The following ANXA4 variants were observed in gnomAD, a reference collection of about 807,000 sequenced individuals.
The protein encoded by ANXA4 is 35-beta calcimedin.
Under a neutral mutation model 49.8 loss-of-function variants are expected in ANXA4, and 39 were observed. The ratio of observed to expected loss-of-function variants is 0.78; its 90% CI spans 0.61 to 1.02. The LOEUF is 1.02. ANXA4 is among the 50% of genes least tolerant of loss of function. The pLI is 0.00. For missense variants in ANXA4, 360 were observed against 410.1 expected (o/e 0.88, Z 1.05); for synonymous variants, 134 against 152.5 (o/e 0.88, Z 0.89).
At chr2:69,666,448 C>T (rs1676940002) in intron 2 of ANXA4, among the ~76,000 whole-genome samples, 1 of 152,138 alleles carries the variant, frequency 6.6e-6, no homozygotes, top group Non-Finnish European at 1.5e-5. Context: ...AAAGGTTAAA[C>T]AGTATCACCA....
chr2:69,699,476 G>A lies in ANXA4; in HGVS notation n.767-21298G>A, dbSNP rs146997056. On this transcript the variant is annotated intron_variant and non_coding_transcript_variant, in intron 2 of 3. Coordinates refer to the ANXA4 transcript ENST00000418066. ...GCTACATAGTGAGACCTCATTCTATGAGAAAATGAGAAATAAATAAGCCAG... is the reference window on the plus strand; with the variant it reads ...GCTACATAGTGAGACCTCATTCTATAAGAAAATGAGAAATAAATAAGCCAG... Among the ~76,000 whole-genome samples the A allele has an allele frequency of 2.0e-3, 309 of 151,946 alleles. 1 individual carries two copies. Among genetic ancestry groups the A allele is most frequent in the African/African-American group, 7.2e-3 (298 of 41,440 alleles).
intron 8 of ANXA4, 172 bp from the exon 9 acceptor site, chr2:69,815,929 C>G (rs1673969081): frequency 3.3e-6 from 2 of 604,162 alleles, no homozygotes; most frequent in Admixed American, 2.9e-5. Context: ...TCCCAACAGC[C>G]TTATGCCTGA....
chr2:69,775,590 A>G (rs187974310), intron 1 of ANXA4, among the ~76,000 whole-genome samples: 1 of 152,244 alleles, frequency 6.6e-6, no homozygotes, highest in Non-Finnish European at 1.5e-5. Context: ...GAAAAGAAAC[A>G]GACTGCTATC....
intron 2 of ANXA4, among the ~76,000 whole-genome samples, chr2:69,714,026 G>A (rs1405558822): frequency 6.6e-6 from 1 of 152,206 alleles, no homozygotes; most frequent in Non-Finnish European, 1.5e-5. Context: ...ACATTCTTTA[G>A]TCTACACCTC....
At chr2:69,729,434 CAT>C (rs1398329348) in intron 3 of ANXA4, among the ~76,000 whole-genome samples, 1 of 152,210 alleles carries the variant, frequency 6.6e-6, no homozygotes, top group Non-Finnish European at 1.5e-5. Context: ...AAGAGAGTAA[CAT>C]AGAGCAGTGG....
chr2:69,698,150 C>A (rs144010296), intron 2 of ANXA4, among the ~76,000 whole-genome samples: 1 of 152,188 alleles, frequency 6.6e-6, no homozygotes, highest in African/African-American at 2.4e-5. Context: ...TCTGTCCTCA[C>A]ATGACTGAAG....
At position 69,707,028 on chromosome 2, in the gene ANXA4, T is replaced by C. The variant is rs1573125978; in HGVS notation, n.767-13746T>C. Among the ~76,000 whole-genome samples the C allele has an allele frequency of 4.6e-5, 7 of 152,388 alleles. No individual in the cohort carries two copies. The South Asian group carries it at 1.4e-3, about 32-fold the overall frequency. ...TTGGTTGTGATTATTATTCATTTAA[T>C]AAATTGCTAGATTCGATTTGCTAGT... On this transcript the variant is annotated intron_variant and non_coding_transcript_variant, in intron 2 of 3. Transcript: ENST00000418066.
intron 3 of ANXA4, among the ~76,000 whole-genome samples, chr2:69,799,055 T>C (rs1260197698): frequency 6.6e-6 from 1 of 152,214 alleles, no homozygotes; most frequent in Non-Finnish European, 1.5e-5. Flanking sequence ...AGGGGCCTCA[T>C]GAGGAGGGGA....
rs569862214 is a variant in ANXA4, at chr2:69,815,915, A to C, written c.535-186A>C. On this transcript the variant is annotated intron_variant, in intron 8 of 12. Transcript: ENST00000394295. ...GCCCTGACTCCCAGGGGGGTATGACAGGGTCCCAACAGCCTTATGCCTGAG... is the reference window on the plus strand; with the variant it reads ...GCCCTGACTCCCAGGGGGGTATGACCGGGTCCCAACAGCCTTATGCCTGAG... The C allele has an allele frequency of 1.9e-4, 110 of 572,058 alleles. No homozygotes were observed. The South Asian group carries it at 2.3e-3, about 12-fold the overall frequency. The allele number at this position is 572,058 out of a possible 1,614,324, so 35.4% of individuals were successfully genotyped here. A position where few individuals can be genotyped will look rare whatever the true frequency, so the allele number is the denominator to read the frequency against.
chr2:69,660,868 T>G (rs1385899974), intron 2 of ANXA4, among the ~76,000 whole-genome samples: 2 of 149,354 alleles, frequency 1.3e-5, no homozygotes, highest in Admixed American at 6.7e-5. Context: ...ATAAGAGAGA[T>G]AATAGAAGGG....
chr2:69,744,637 A>G (rs1420779983), intron 1 of ANXA4, among the ~76,000 whole-genome samples: 2 of 152,194 alleles, frequency 1.3e-5, no homozygotes, highest in East Asian at 3.9e-4. Context: ...AGGCTGTCTT[A>G]TCTAATCTTC....
At chr2:69,724,844 T>G (rs941973554) in intron 3 of ANXA4, among the ~76,000 whole-genome samples, 3 of 150,454 alleles carry the variant, frequency 2.0e-5, no homozygotes, top group Non-Finnish European at 2.9e-5. Flanking sequence ...CGTCCTCGCC[T>G]AAGTACTGGA....
intron 2 of ANXA4, among the ~76,000 whole-genome samples, chr2:69,656,204 TACAC>T (rs200516994): frequency 1.4e-3 from 170 of 120,678 alleles, no homozygotes; most frequent in African/African-American, 3.8e-3. Context: ...TATATATATA[TACAC>T]ACACATATAT....
At chr2:69,777,551 A>G (rs931069740) in intron 1 of ANXA4, among the ~76,000 whole-genome samples, 2 of 152,226 alleles carry the variant, frequency 1.3e-5, no homozygotes, top group African/African-American at 2.4e-5. Context: ...TGTACCAGGA[A>G]CAGGAGGAGA....
At chr2:69,824,062 G>C (rs557408698) in intron 12 of ANXA4, among the ~76,000 whole-genome samples, 7 of 151,956 alleles carry the variant, frequency 4.6e-5, no homozygotes, top group Admixed American at 1.3e-4. Flanking sequence ...CTGGGTGATA[G>C]AGCAAGACCC....
chr2:69,767,240 T>G (rs1319519083), intron 1 of ANXA4, among the ~76,000 whole-genome samples: 1 of 152,226 alleles, frequency 6.6e-6, no homozygotes, highest in African/African-American at 2.4e-5. Context: ...GGCATTCCTT[T>G]CTCTACTGGT....
intron 2 of ANXA4, among the ~76,000 whole-genome samples, chr2:69,711,198 C>T (rs575193690): frequency 1.3e-5 from 2 of 152,152 alleles, no homozygotes; most frequent in South Asian, 4.1e-4. Context: ...GGCATAGTGA[C>T]ACACACCTGT....
chr2:69,778,700 G>A (rs374353765), intron 1 of ANXA4, among the ~76,000 whole-genome samples: 3 of 149,682 alleles, frequency 2.0e-5, no homozygotes, highest in Non-Finnish European at 4.4e-5. Flanking sequence ...ACTTGAACCC[G>A]GGAGGCGGAG....
intron 3 of ANXA4, among the ~76,000 whole-genome samples, chr2:69,801,337 G>A (rs950825974): frequency 1.3e-5 from 2 of 151,908 alleles, no homozygotes; most frequent in Non-Finnish European, 2.9e-5. Context: ...AAATGATTTT[G>A]GGGGCTGCTT....
Sources: gnomAD v4.1 joint callset for allele counts (sites outside exome capture counted in the v4.1 genomes callset) on GRCh38, gnomAD v4.1.1 for gene constraint, MANE v1.5 for transcripts, NCBI Gene and HGNC (gene_info 2026-07-23, HGNC 2026-07-21) for gene names.